Variants in RBFOX1 observed in about 807,000 individuals in gnomAD.
RBFOX1 encodes RNA binding protein fox-1 homolog 1.
In RBFOX1, 8 loss-of-function variants were observed where a neutral mutation model predicts 57.7. The observed-to-expected ratio is 0.14, with a 90% CI of 0.08 to 0.25. RBFOX1 has a LOEUF of 0.25. Ranked by LOEUF, RBFOX1 falls within the 10% of genes least tolerant of loss-of-function variation. The pLI, the probability that RBFOX1 is intolerant of heterozygous loss-of-function variation, is 1.00. For synonymous variants in RBFOX1, 326 were observed against 222.4 expected (o/e 1.47, Z -4.15); for missense variants, 611 against 548.5 (o/e 1.11, Z -1.14).
At chr16:5,680,324 C>A (rs1228258761) in intron 3 of RBFOX1, among the ~76,000 whole-genome samples, 1 of 152,202 alleles carries the variant, frequency 6.6e-6, no homozygotes, top group African/African-American at 2.4e-5. Flanking sequence ...TGAAAAAAAT[C>A]TTCACTTTGC....
chr16:7,655,828 T>A (rs1411299169), intron 12 of RBFOX1, among the ~76,000 whole-genome samples: 5 of 152,212 alleles, frequency 3.3e-5, no homozygotes, highest in Non-Finnish European at 5.9e-5. Context: ...TTATATGGTT[T>A]ATCCTCACAT....
chr16:6,682,056 G>A (rs1401676867), intron 3 of RBFOX1, among the ~76,000 whole-genome samples: 1 of 152,124 alleles, frequency 6.6e-6, no homozygotes, highest in Non-Finnish European at 1.5e-5. Flanking sequence ...ATATCTACTG[G>A]ATCCAGTTTG....
chr16:7,556,245 C>T (rs180713099), intron 5 of RBFOX1, among the ~76,000 whole-genome samples: 3 of 152,256 alleles, frequency 2.0e-5, no homozygotes, highest in Admixed American at 1.3e-4. Context: ...AATCTGAGAG[C>T]CCAGATTCGA....
At chr16:7,415,808 C>T (rs994702652) in intron 4 of RBFOX1, among the ~76,000 whole-genome samples, 1 of 151,952 alleles carries the variant, frequency 6.6e-6, no homozygotes, top group Non-Finnish European at 1.5e-5. Context: ...CTTTCCAGGC[C>T]CTTCTTTCCA....
intron 4 of RBFOX1, among the ~76,000 whole-genome samples, chr16:7,486,962 C>T (rs771454827): frequency 1.3e-5 from 2 of 152,154 alleles, no homozygotes; most frequent in Non-Finnish European, 2.9e-5. Context: ...TACAGTGGCA[C>T]AATCTCGGCT....
rs2072296216 is a variant in RBFOX1 at position 7,504,729 on chromosome 16, ATATATATATATATATATATATATATT to A, written c.28-13402_28-13377del. Reference sequence around the variant, plus strand: ...TGAGATTATATATATATATATATATATATATATATATATATATATATATATTTATATATATATATATTTATATATAT... The same window carrying A: ...TGAGATTATATATATATATATATATATATATATATATATATTTATATATAT... On this transcript the variant is annotated intron_variant, in intron 4 of 15. Coordinates refer to ENST00000550418, the MANE Select transcript of RBFOX1 (RefSeq NM_018723.4). 1.7e-3 allele frequency among the ~76,000 whole-genome samples: 12 copies of A among 7,110 alleles called. No homozygotes were observed. The South Asian group carries it at 0.02, about 12-fold the overall frequency. 4.7% of individuals were successfully genotyped at this position (7,110 alleles called of 152,430 possible).
chr16:6,139,050 T>C (rs2096691381), intron 1 of RBFOX1, among the ~76,000 whole-genome samples: 1 of 152,182 alleles, frequency 6.6e-6, no homozygotes, highest in Non-Finnish European at 1.5e-5. Flanking sequence ...ATTATTACTA[T>C]ATACAGTTAT....
intron 1 of RBFOX1, among the ~76,000 whole-genome samples, chr16:6,138,159 A>C (rs1487711602): frequency 6.6e-6 from 1 of 152,210 alleles, no homozygotes; most frequent in Non-Finnish European, 1.5e-5. Context: ...ATATTAAATT[A>C]ACAGAATATG....
At chr16:6,952,477 T>C (rs1442007282) in intron 3 of RBFOX1, among the ~76,000 whole-genome samples, 1 of 151,804 alleles carries the variant, frequency 6.6e-6, no homozygotes, top group Non-Finnish European at 1.5e-5. Flanking sequence ...TAAGACCCTG[T>C]CTCTACAAAA....
chr16:5,559,698 C>T (rs1381371556), intron 2 of RBFOX1, among the ~76,000 whole-genome samples: 2 of 152,154 alleles, frequency 1.3e-5, no homozygotes, highest in African/African-American at 4.8e-5. Flanking sequence ...AATAAACTTC[C>T]CAAATCTCTT....
intron 3 of RBFOX1, among the ~76,000 whole-genome samples, chr16:7,026,386 T>G (rs769939974): frequency 6.6e-6 from 1 of 152,226 alleles, no homozygotes; most frequent in Non-Finnish European, 1.5e-5. Flanking sequence ...TTTTCAAAAT[T>G]GCAGAATTAA....
In RBFOX1 at chr16:6,175,279, G is replaced by A. The variant is rs150963796; in HGVS notation, c.-126-141716G>A. 7.6e-4 allele frequency among the ~76,000 whole-genome samples: 115 copies of A among 152,244 alleles called. 2 individuals carry two copies. The highest frequency in any genetic ancestry group is 2.6e-3 in the African/African-American group (107 of 41,566). On this transcript the variant is annotated intron_variant, in intron 1 of 15. Transcript: ENST00000550418. ...TTTGGATAAACATTTTCCGTAATACGTCCCTAGGAACACATTGTCCACAAA... is the reference window on the plus strand; with the variant it reads ...TTTGGATAAACATTTTCCGTAATACATCCCTAGGAACACATTGTCCACAAA...
At chr16:7,168,483 GA>G (rs529873326) in intron 4 of RBFOX1, among the ~76,000 whole-genome samples, 1 of 152,086 alleles carries the variant, frequency 6.6e-6, no homozygotes, top group Non-Finnish European at 1.5e-5. Context: ...GTGGCTATAG[GA>G]AACCTAATTA....
chr16:7,084,947 C>A (rs1453011362), intron 4 of RBFOX1, among the ~76,000 whole-genome samples: 1 of 152,144 alleles, frequency 6.6e-6, no homozygotes, highest in Non-Finnish European at 1.5e-5. Flanking sequence ...TGCATCTATT[C>A]ATCTATCTAT....
intron 2 of RBFOX1, among the ~76,000 whole-genome samples, chr16:6,586,248 C>A (rs1368832656): frequency 2.0e-5 from 3 of 152,102 alleles, no homozygotes; most frequent in Non-Finnish European, 2.9e-5. Context: ...GGTGTGAAAA[C>A]CAACAATTTC....
chr16:6,664,902 G>A (rs537382564), intron 3 of RBFOX1, among the ~76,000 whole-genome samples: 1 of 152,182 alleles, frequency 6.6e-6, no homozygotes, highest in Middle Eastern at 3.2e-3. Flanking sequence ...TCACATTCCT[G>A]TCTGTCCACA....
In RBFOX1 at chr16:7,269,324, C is replaced by T. The variant is rs530597406; in HGVS notation, c.27+217226C>T. 2.6e-5 allele frequency among the ~76,000 whole-genome samples: 4 copies of T among 152,212 alleles called. No individual in the cohort carries two copies. The South Asian group carries it at 6.2e-4, about 24-fold the overall frequency. On this transcript the variant is annotated intron_variant, in intron 4 of 15. Transcript: ENST00000550418. Reference sequence around the variant, plus strand: ...TCTGTTTAGAAAAGCAACATATGATCATTTAAAAATATTGAGAAACACATA... The same window carrying T: ...TCTGTTTAGAAAAGCAACATATGATTATTTAAAAATATTGAGAAACACATA...
chr16:5,989,297 C>CT (rs1430608300), intron 4 of RBFOX1, among the ~76,000 whole-genome samples: 5 of 152,010 alleles, frequency 3.3e-5, no homozygotes, highest in Non-Finnish European at 7.4e-5. Flanking sequence ...CGCCACTGCA[C>CT]TGCAGCCTGG....
intron 4 of RBFOX1, among the ~76,000 whole-genome samples, chr16:5,884,769 G>C (rs376855949): frequency 1.3e-4 from 20 of 152,198 alleles, no homozygotes; most frequent in Admixed American, 1.0e-3. Flanking sequence ...TTATCCTGAT[G>C]GTGGGTAGAT....
Sources: gnomAD v4.1 joint callset for allele counts (sites outside exome capture counted in the v4.1 genomes callset) on GRCh38, gnomAD v4.1.1 for gene constraint, MANE v1.5 for transcripts, NCBI Gene and HGNC (gene_info 2026-07-23, HGNC 2026-07-21) for gene names.